The following TIMM23B variants were observed in gnomAD, a reference collection of about 807,000 sequenced individuals.
The protein encoded by TIMM23B is mitochondrial import inner membrane translocase subunit Tim23B.
Under a neutral mutation model 27.3 loss-of-function variants are expected in TIMM23B, and 27 were observed. That is an observed-to-expected ratio of 0.99 (90% CI 0.73 to 1.36). The LOEUF is 1.36. Ranked by LOEUF, TIMM23B falls within the 40% of genes most tolerant of loss-of-function variation. TIMM23B has a pLI of 0.00. For synonymous variants in TIMM23B, 73 were observed against 92.4 expected, an observed-to-expected ratio of 0.79 and a Z score of 1.21; for missense variants, 205 against 244.2, an observed-to-expected ratio of 0.84 and a Z score of 1.07.
At chr10:49,944,783 A>G (rs1299712159) in intron 1 of TIMM23B, among the ~76,000 whole-genome samples, 5 of 152,232 alleles carry the variant, frequency 3.3e-5, no homozygotes, top group Non-Finnish European at 4.4e-5. Context: ...AATCAGATCT[A>G]TGACACTGCG....
chr10:49,973,327 A>C lies in TIMM23B; in HGVS notation c.*263A>C. ...TGACTTGTAAATTAGTAATTTCTGA[A>C]CTATTATTTATCAATTCATTGCCTA... On this transcript the variant is annotated 3_prime_UTR_variant, in exon 7 of 7. Coordinates refer to ENST00000651259, the MANE Select transcript of TIMM23B (RefSeq NM_001290117.2). 2.2e-6 allele frequency: 1 copy of C among 459,134 alleles called. No homozygotes were observed. Among genetic ancestry groups the C allele is most frequent in the Non-Finnish European group, 3.8e-6 (1 of 262,070 alleles). 28.4% of individuals were successfully genotyped at this position (459,134 alleles called of 1,614,324 possible). A position where few individuals can be genotyped will look rare whatever the true frequency, so the allele number is the denominator to read the frequency against.
chr10:49,964,166 T>C (rs1554855017), intron 6 of TIMM23B, among the ~76,000 whole-genome samples: 1 of 151,768 alleles, frequency 6.6e-6, no homozygotes, highest in Admixed American at 6.6e-5. Flanking sequence ...GCCTGGGTGA[T>C]AGAGCGAGTC....
intron 6 of TIMM23B, among the ~76,000 whole-genome samples, chr10:49,964,895 G>T (rs564905745): frequency 6.6e-6 from 1 of 151,738 alleles, no homozygotes; most frequent in East Asian, 2.0e-4. Flanking sequence ...GAAATGAAAT[G>T]AAGGAGATGA....
At chr10:49,947,776 A>G (rs1839400836) in intron 2 of TIMM23B, among the ~76,000 whole-genome samples, 1 of 151,990 alleles carries the variant, frequency 6.6e-6, no homozygotes, top group African/African-American at 2.4e-5. Context: ...AAAAAAATAC[A>G]AAAATTAGCG....
At chr10:49,944,613 A>G (rs1430282962) in intron 1 of TIMM23B, among the ~76,000 whole-genome samples, 1 of 152,144 alleles carries the variant, frequency 6.6e-6, no homozygotes, top group Non-Finnish European at 1.5e-5. Context: ...CAACATGTAC[A>G]CAGTCAGAAA....
intron 6 of TIMM23B, among the ~76,000 whole-genome samples, chr10:49,962,195 AGCTTTTTTTT>A (rs1362953176): frequency 2.7e-5 from 4 of 147,996 alleles, no homozygotes; most frequent in Non-Finnish European, 4.4e-5. Context: ...AATCCAATTA[AGCTTTTTTTT>A]GCTTTTTTTT....
intron 5 of TIMM23B, among the ~76,000 whole-genome samples, chr10:49,955,918 CAG>C (rs1186626260): frequency 6.6e-6 from 1 of 152,184 alleles, no homozygotes; most frequent in Non-Finnish European, 1.5e-5. Context: ...CACCCTCCTA[CAG>C]AGTCACCCCT....
chr10:49,961,891 C>T (rs1356240514), intron 6 of TIMM23B, among the ~76,000 whole-genome samples: 4 of 150,172 alleles, frequency 2.7e-5, no homozygotes, highest in African/African-American at 9.9e-5. Flanking sequence ...CCACTGTGCC[C>T]AGCTGTCTGA....
At chr10:49,953,608 A>T (rs1264253548) in intron 4 of TIMM23B, among the ~76,000 whole-genome samples, 1 of 151,992 alleles carries the variant, frequency 6.6e-6, no homozygotes, top group East Asian at 1.9e-4. Context: ...AGCCTTCCAA[A>T]CTGCTGGGAT....
Position 49,942,307 on chromosome 10 carries a change from A to G in TIMM23B, c.106+7A>G. On this transcript the variant is annotated splice_region_variant and intron_variant, in intron 1 of 6. Coordinates refer to ENST00000651259, the MANE Select transcript of TIMM23B (RefSeq NM_001290117.2). ...GATTTGGCTGGCGTCCCGCGTAAGT[A>G]TGGGGCCTAGCTTGCGATTATTTCT... The G allele has an allele frequency of 1.5e-5, 24 of 1,606,978 alleles. No individual in the cohort carries two copies. The highest frequency in any genetic ancestry group is 2.0e-5 in the Non-Finnish European group (24 of 1,176,226).
intron 6 of TIMM23B, among the ~76,000 whole-genome samples, chr10:49,969,480 C>T (rs1312250500): frequency 6.7e-6 from 1 of 149,646 alleles, no homozygotes; most frequent in Admixed American, 6.7e-5. Context: ...GAGGCCAAGG[C>T]AGGCAAATGG....
intron 1 of TIMM23B, chr10:49,943,319 A>G (rs1839224220): frequency 6.6e-6 from 1 of 152,016 alleles, no homozygotes; most frequent in Non-Finnish European, 1.5e-5. Flanking sequence ...GAGCTCAAAC[A>G]ATCCTCCCCT....
intron 4 of TIMM23B, among the ~76,000 whole-genome samples, chr10:49,954,733 CTTATTATTATTA>C (rs1262233769): frequency 3.2e-4 from 46 of 145,034 alleles, no homozygotes; most frequent in African/African-American, 9.8e-4. Flanking sequence ...AAGAGTTTTC[CTTATTATTATTA>C]TTATTATTAT....
chr10:49,947,988 G>A (rs1839407958), intron 2 of TIMM23B, among the ~76,000 whole-genome samples: 1 of 152,118 alleles, frequency 6.6e-6, no homozygotes, highest in Non-Finnish European at 1.5e-5. Flanking sequence ...TGCATATTAT[G>A]TATCTGATAA....
chr10:49,961,187 C>T (rs1246372706), intron 6 of TIMM23B, among the ~76,000 whole-genome samples: 1 of 149,278 alleles, frequency 6.7e-6, no homozygotes, highest in African/African-American at 2.5e-5. Context: ...AGTTCGAGAC[C>T]AGCCTGACCA....
chr10:49,944,854 T>G (rs1250912289), intron 1 of TIMM23B, among the ~76,000 whole-genome samples, 178 bp from the exon 2 acceptor site: 25 of 152,142 alleles, frequency 1.6e-4, no homozygotes, highest in Non-Finnish European at 3.2e-4. Context: ...GGATTGAGGG[T>G]CTCAGGATGA....
chr10:49,945,103 T>G lies in TIMM23B; in HGVS notation c.165+13T>G. 1.2e-6 allele frequency: 2 copies of G among 1,611,098 alleles called. No individual in the cohort carries two copies. The highest frequency in any genetic ancestry group is 1.7e-6 in the Non-Finnish European group (2 of 1,178,202). ...ATACCTCGTGCAGGTAAGACTAAGA[T>G]TTTACTAGTTTGGTGCATTATTTTA... On this transcript the variant is annotated intron_variant, in intron 2 of 6. Transcript: ENST00000651259.
At chr10:49,955,547 T>C (rs1839687990) in intron 5 of TIMM23B, among the ~76,000 whole-genome samples, 1 of 152,242 alleles carries the variant, frequency 6.6e-6, no homozygotes, top group South Asian at 2.1e-4. Flanking sequence ...TGAAAACGTT[T>C]GCAGTTCTAG....
intron 6 of TIMM23B, among the ~76,000 whole-genome samples, chr10:49,969,283 A>G (rs1189249158): frequency 1.8e-4 from 28 of 152,256 alleles, no homozygotes; most frequent in Middle Eastern, 3.4e-3. Flanking sequence ...TGTCTATACA[A>G]AAAATTAGCC....
Sources: gnomAD v4.1 joint callset for allele counts (sites outside exome capture counted in the v4.1 genomes callset) on GRCh38, gnomAD v4.1.1 for gene constraint, MANE v1.5 for transcripts, NCBI Gene and HGNC (gene_info 2026-07-23, HGNC 2026-07-21) for gene names.